The following TAFA1 variants were observed in gnomAD, a reference collection of about 807,000 sequenced individuals.
The protein encoded by TAFA1 is chemokine-like protein TAFA-1.
In TAFA1, 4 loss-of-function variants were observed where a neutral mutation model predicts 18.5. That is an observed-to-expected ratio of 0.22 (90% CI 0.11 to 0.49). The LOEUF is 0.49. Among genes scored for constraint, TAFA1 ranks in the 20% least tolerant of loss-of-function variants. TAFA1 has a pLI of 0.98. For synonymous variants in TAFA1, 56 were observed against 55.2 expected (o/e 1.01, Z -0.06); for missense variants, 147 against 169.0 (o/e 0.87, Z 0.72).
chr3:68,150,400 TA>T (rs2065791660), intron 2 of TAFA1, among the ~76,000 whole-genome samples: 1 of 152,242 alleles, frequency 6.6e-6, no homozygotes, highest in African/African-American at 2.4e-5. Flanking sequence ...GCCATTGACT[TA>T]AATCATTGTT....
intron 2 of TAFA1, among the ~76,000 whole-genome samples, chr3:68,220,867 T>G (rs12487860): frequency 0.33 from 49,755 of 151,892 alleles, 8,900 homozygotes; most frequent in Non-Finnish European, 0.4. Flanking sequence ...GGTGCATGGT[T>G]CTCCCTATCA....
intron 2 of TAFA1, among the ~76,000 whole-genome samples, chr3:68,070,065 C>T (rs1404722892): frequency 2.0e-5 from 3 of 152,206 alleles, no homozygotes; most frequent in Non-Finnish European, 2.9e-5. Flanking sequence ...CATCTTCTCA[C>T]AGATTCACTA....
intron 3 of TAFA1, among the ~76,000 whole-genome samples, chr3:68,485,398 G>A (rs1459037884): frequency 6.6e-6 from 1 of 152,136 alleles, no homozygotes; most frequent in African/African-American, 2.4e-5. Flanking sequence ...CTTTGCCACT[G>A]GCTTACTTAG....
intron 2 of TAFA1, among the ~76,000 whole-genome samples, chr3:68,077,000 C>A (rs1439798935): frequency 2.0e-5 from 3 of 151,376 alleles, no homozygotes; most frequent in South Asian, 2.1e-4. Context: ...GATTGCCATT[C>A]TCACTGGTGT....
At chr3:68,073,214 G>A (rs1478942180) in intron 2 of TAFA1, among the ~76,000 whole-genome samples, 1 of 152,034 alleles carries the variant, frequency 6.6e-6, no homozygotes, top group African/African-American at 2.4e-5. Context: ...TTATACCTAG[G>A]GCTTTGTTAT....
At chr3:68,301,945 C>A (rs192624468) in intron 2 of TAFA1, among the ~76,000 whole-genome samples, 1 of 152,070 alleles carries the variant, frequency 6.6e-6, no homozygotes, top group Non-Finnish European at 1.5e-5. Flanking sequence ...TATTTGTATT[C>A]GTAGTTCATT....
intron 3 of TAFA1, among the ~76,000 whole-genome samples, chr3:68,446,767 C>G (rs2071478926): frequency 6.6e-6 from 1 of 152,188 alleles, no homozygotes; most frequent in African/African-American, 2.4e-5. Context: ...TAATTAGACA[C>G]ACTCTGTCAT....
intron 3 of TAFA1, among the ~76,000 whole-genome samples, chr3:68,432,579 A>C (rs1024793964): frequency 2.6e-5 from 4 of 151,986 alleles, no homozygotes; most frequent in African/African-American, 9.7e-5. Flanking sequence ...AGTCTCCAGA[A>C]ATGTGTGCAG....
At chr3:68,067,415 C>G (rs1575599202) in intron 2 of TAFA1, among the ~76,000 whole-genome samples, 1 of 152,162 alleles carries the variant, frequency 6.6e-6, no homozygotes, top group East Asian at 1.9e-4. Flanking sequence ...AATAAACTGA[C>G]TTTCTATTAA....
chr3:68,342,554 T>C (rs2069102422), intron 2 of TAFA1, among the ~76,000 whole-genome samples: 1 of 152,252 alleles, frequency 6.6e-6, no homozygotes, highest in Admixed American at 6.5e-5. Context: ...AAGTGTCTTT[T>C]ATTCTCAGCA....
chr3:68,221,475 T>C (rs948802315), intron 2 of TAFA1, among the ~76,000 whole-genome samples: 1 of 152,286 alleles, frequency 6.6e-6, no homozygotes, highest in Admixed American at 6.5e-5. Context: ...GGGTGGCTTG[T>C]AAGGTGCCTG....
At chr3:68,107,443 TACTC>T (rs1210951498) in intron 2 of TAFA1, among the ~76,000 whole-genome samples, 1 of 152,160 alleles carries the variant, frequency 6.6e-6, no homozygotes, top group Non-Finnish European at 1.5e-5. Flanking sequence ...AATGAAATAT[TACTC>T]AGCAACAAAA....
chr3:68,099,108 C>T (rs80031588), intron 2 of TAFA1, among the ~76,000 whole-genome samples: 2,161 of 152,052 alleles, frequency 0.014, 52 homozygotes, highest in African/African-American at 0.049. Context: ...AAAGAATTTA[C>T]GACTAAGTTC....
chr3:68,022,951 G>A (rs1421738192), intron 2 of TAFA1, among the ~76,000 whole-genome samples: 2 of 147,334 alleles, frequency 1.4e-5, no homozygotes, highest in African/African-American at 2.5e-5. Context: ...TTACCACTGT[G>A]AGAAAGTTAC....
chr3:68,450,855 G>T (rs2071557298), intron 3 of TAFA1, among the ~76,000 whole-genome samples: 1 of 152,042 alleles, frequency 6.6e-6, no homozygotes, highest in South Asian at 2.1e-4. Flanking sequence ...CTGATGTTGT[G>T]CTTATATCTC....
rs183631902 is a variant in TAFA1 at position 68,176,373 on chromosome 3, T to C, written c.118+169629T>C. Among the ~76,000 whole-genome samples, 347 of 152,154 alleles carry C rather than the reference T, an allele frequency of 2.3e-3. 1 individual carries two copies. Among genetic ancestry groups the C allele is most frequent in the Middle Eastern group, 0.01 (3 of 294 alleles). ...GTCAAGTCCCTGTGGTCCTAGCTATTTGGGAGGCTGAGGCAAGAGGATTGC... is the reference window on the plus strand; with the variant it reads ...GTCAAGTCCCTGTGGTCCTAGCTATCTGGGAGGCTGAGGCAAGAGGATTGC... On this transcript the variant is annotated intron_variant, in intron 2 of 4. Coordinates refer to ENST00000478136, the MANE Select transcript of TAFA1 (RefSeq NM_213609.4).
At chr3:68,448,741 T>C (rs775505086) in intron 3 of TAFA1, among the ~76,000 whole-genome samples, 7 of 152,218 alleles carry the variant, frequency 4.6e-5, no homozygotes, top group Non-Finnish European at 8.8e-5. Context: ...AGAAATTTAA[T>C]AACTTCTCTG....
intron 3 of TAFA1, among the ~76,000 whole-genome samples, chr3:68,473,944 A>AGGCACTT (rs1476593705): frequency 5.9e-5 from 9 of 152,140 alleles, no homozygotes; most frequent in Admixed American, 3.3e-4. Flanking sequence ...TGCTAGATAA[A>AGGCACTT]CATTTGTTGA....
intron 3 of TAFA1, among the ~76,000 whole-genome samples, chr3:68,524,099 C>T (rs149815753): frequency 7.2e-4 from 110 of 152,200 alleles, no homozygotes; most frequent in African/African-American, 2.5e-3. Context: ...CTGTGTGTTG[C>T]CTGGGTGGTT....
Sources: allele counts gnomAD v4.1 joint callset (sites outside exome capture counted in the v4.1 genomes callset), GRCh38; gene constraint gnomAD v4.1.1; transcripts MANE v1.5; gene names NCBI Gene and HGNC (gene_info 2026-07-23, HGNC 2026-07-21).